Variants in EZH1 observed in about 807,000 individuals in gnomAD.
EZH1 encodes enhancer of zeste 1 polycomb repressive complex 2 subunit, also known as histone-lysine N-methyltransferase EZH1.
Under a neutral mutation model 100.5 loss-of-function variants are expected in EZH1, and 33 were observed. That is an observed-to-expected ratio of 0.33 (90% confidence interval 0.25 to 0.44). The LOEUF (loss-of-function observed/expected upper bound fraction) is 0.44. Ranked by LOEUF, EZH1 falls within the 20% of genes least tolerant of loss-of-function variation. EZH1 has a pLI of 1.00. For synonymous variants in EZH1, 272 were observed against 313.8 expected (o/e 0.87, Z 1.41); for missense variants, 475 against 928.4 (o/e 0.51, Z 6.35).
chr17:42,705,365 G>C (rs2053331361), intron 16 of EZH1, among the ~76,000 whole-genome samples, 182 bp from the exon 17 acceptor site: 1 of 152,170 alleles, frequency 6.6e-6, no homozygotes, highest in Non-Finnish European at 1.5e-5. Flanking sequence ...AATGGGAGGT[G>C]GTGACGAACG....
chr17:42,709,998 A>G, intron 12 of EZH1, 61 bp from the exon 13 acceptor site: 1 of 1,462,248 alleles, frequency 6.8e-7, no homozygotes, highest in East Asian at 2.3e-5. Context: ...TAAGTGGCCC[A>G]GCTGGGTGCT....
At chr17:42,721,644 G>T (rs2053707776) in intron 6 of EZH1, among the ~76,000 whole-genome samples, 1 of 150,496 alleles carries the variant, frequency 6.6e-6, no homozygotes, top group South Asian at 2.1e-4. Context: ...TTTTATTTCT[G>T]TTTCTGCTGC....
intron 1 of EZH1, among the ~76,000 whole-genome samples, chr17:42,731,532 C>T (rs1194308147): frequency 6.6e-6 from 1 of 152,056 alleles, no homozygotes; most frequent in Admixed American, 6.6e-5. Context: ...CAAGATGATG[C>T]TTTTACTCTA....
rs186763664 is a variant in EZH1, at chr17:42,712,587, G to C, written c.1205-102C>G. The C allele has an allele frequency of 6.2e-6, 7 of 1,130,590 alleles. No individual in the cohort carries two copies. The South Asian group carries it at 1.1e-4, about 17-fold the overall frequency. 70.0% of individuals were successfully genotyped at this position (1,130,590 alleles called of 1,614,324 possible). A position where few individuals can be genotyped will look rare whatever the true frequency, so the allele number is the denominator to read the frequency against. On this transcript the variant is annotated intron_variant, in intron 11 of 20. Coordinates refer to ENST00000428826, the MANE Select transcript of EZH1 (RefSeq NM_001991.5). ...GTACTTCATTCTACTTTAAAAGGTA[G>C]AACAGTTAGGAATGAAAATATTCCC...
chr17:42,702,144 T>G lies in EZH1; in HGVS notation c.*388A>C, dbSNP rs1035556599. 6 of 183,728 alleles carry G rather than the reference T, an allele frequency of 3.3e-5. No individual in the cohort carries two copies. Among genetic ancestry groups the G allele is most frequent in the African/African-American group, 1.4e-4 (6 of 42,796 alleles). 11.4% of individuals were successfully genotyped at this position (183,728 alleles called of 1,614,324 possible). On this transcript the variant is annotated 3_prime_UTR_variant, in exon 21 of 21. Coordinates refer to ENST00000428826, the MANE Select transcript of EZH1 (RefSeq NM_001991.5). The stretch of plus-strand genomic sequence containing the variant: ...GCCTGCATCCCAATAACATAAGGAC[T>G]CTTGATGTGGAAAGCTACAATTACA...
At chr17:42,714,721 T>G in intron 10 of EZH1, 1 of 214,796 alleles carries the variant, frequency 4.7e-6, no homozygotes, top group Non-Finnish European at 9.5e-6. Context: ...ATCTGGAATT[T>G]GGAATAATAT....
chr17:42,731,543 T>C (rs1404742982), intron 1 of EZH1, among the ~76,000 whole-genome samples: 2 of 152,100 alleles, frequency 1.3e-5, no homozygotes, highest in East Asian at 3.9e-4. Context: ...TTTTACTCTA[T>C]AATAACTACT....
intron 2 of EZH1, among the ~76,000 whole-genome samples, chr17:42,729,855 T>A (rs180785776): frequency 9.9e-5 from 15 of 151,942 alleles, no homozygotes; most frequent in African/African-American, 3.1e-4. Flanking sequence ...CTGGCCAAGA[T>A]GCTGAAACCC....
At position 42,720,321 on chromosome 17, in the gene EZH1, T is replaced by C. The variant is rs2053681461; in HGVS notation, c.616A>G (p.Lys206Glu). Residue 206 changes from lysine to glutamate, a missense_variant, in exon 7 of 21, where the codon AAA becomes GAA. This residue lies in a region of EZH1 where 180 missense variants were observed against 295.3 expected (regional missense o/e 0.61). Coordinates refer to ENST00000428826, the MANE Select transcript of EZH1 (RefSeq NM_001991.5). ...DTSDGKQDDS[K>E]EDLPVTRKRK... ...TTTCTTGTTACTGGCAGATCTTCTT[T>C]GCTGTCATCCTGCTTTCCATCTGAG... is the stretch of plus-strand genomic sequence containing the variant. 1.2e-6 allele frequency: 2 copies of C among 1,614,224 alleles called. No homozygotes were observed. The highest frequency in any genetic ancestry group is 1.7e-6 in the Non-Finnish European group (2 of 1,180,046).
intron 6 of EZH1, 62 bp from the exon 7 acceptor site, chr17:42,720,511 G>T: frequency 2.0e-6 from 3 of 1,502,412 alleles, no homozygotes; most frequent in Non-Finnish European, 1.8e-6. Context: ...GTCCTCCTAG[G>T]CAGGTTTTCT....
At position 42,712,053 on chromosome 17, in the gene EZH1, G is replaced by A. The variant is rs1438563177; in HGVS notation, c.1401+236C>T. ...GTAGGACCCAGAAGCATTAAATAGA[G>A]TCCAGACAGAAATGAGCATTCAGCA... On this transcript the variant is annotated intron_variant, in intron 12 of 20. Coordinates refer to ENST00000428826, the MANE Select transcript of EZH1 (RefSeq NM_001991.5). Among the ~76,000 whole-genome samples the A allele has an allele frequency of 2.6e-5, 4 of 152,034 alleles. No homozygotes were observed. The East Asian group carries it at 7.8e-4, about 29-fold the overall frequency.
intron 2 of EZH1, among the ~76,000 whole-genome samples, chr17:42,729,423 CA>C (rs1194033841): frequency 6.6e-6 from 1 of 151,558 alleles, no homozygotes; most frequent in Non-Finnish European, 1.5e-5. Context: ...CAAAACAAAA[CA>C]AAAAAACAAA....
intron 13 of EZH1, 141 bp downstream of exon 13, chr17:42,709,705 C>T (rs2053438058): frequency 1.4e-6 from 1 of 695,112 alleles, no homozygotes; most frequent in Admixed American, 2.6e-5. Context: ...GGCTGGCTCT[C>T]AGTCATGTGA....
chr17:42,739,643 C>T (rs2143892690), intron 1 of EZH1, among the ~76,000 whole-genome samples: 1 of 152,078 alleles, frequency 6.6e-6, no homozygotes, highest in East Asian at 1.9e-4. Flanking sequence ...AGGAGAATCG[C>T]TTGAACCCAG....
At chr17:42,734,923 G>A (rs928173365) in intron 1 of EZH1, among the ~76,000 whole-genome samples, 2 of 151,428 alleles carry the variant, frequency 1.3e-5, no homozygotes, top group South Asian at 2.1e-4. Context: ...AACCTGGGAG[G>A]CAGAGGTTGC....
chr17:42,718,782 C>G lies in EZH1; in HGVS notation c.768-165G>C, dbSNP rs1284718809. ...TGGTAGATAACTAGAGTGGGTCCAC[C>G]ATTGTAATTATGCTGGGTTGGGCAA... On this transcript the variant is annotated intron_variant, in intron 8 of 20. Transcript: ENST00000428826. The surrounding 1 kb of genome is among the most constrained non-coding windows in gnomAD (Gnocchi z 4.2). Among the ~76,000 whole-genome samples, 1 of 151,944 alleles carries G rather than the reference C, an allele frequency of 6.6e-6. No individual in the cohort carries two copies. The highest frequency in any genetic ancestry group is 6.6e-5 in the Admixed American group (1 of 15,224).
chr17:42,701,512 AAGC>A lies in EZH1; in HGVS notation c.*1017_*1019del. ...CAAACAGCAGGCACTACAGACAGGAAAGCAGATTACACCAATCTTTCTCCTCTC... is the reference window on the plus strand; with the variant it reads ...CAAACAGCAGGCACTACAGACAGGAAAGATTACACCAATCTTTCTCCTCTC... On this transcript the variant is annotated 3_prime_UTR_variant, in exon 21 of 21. Coordinates refer to ENST00000428826, the MANE Select transcript of EZH1 (RefSeq NM_001991.5). The A allele has an allele frequency of 6.5e-6, 1 of 152,988 alleles. No homozygotes were observed. The highest frequency in any genetic ancestry group is 1.9e-4 in the East Asian group (1 of 5,316). 9.5% of individuals were successfully genotyped at this position (152,988 alleles called of 1,614,324 possible). A position where few individuals can be genotyped will look rare whatever the true frequency, so the allele number is the denominator to read the frequency against.
At chr17:42,727,849 T>C in intron 3 of EZH1, 86 bp from the exon 4 acceptor site, 4 of 1,016,280 alleles carry the variant, frequency 3.9e-6, no homozygotes, top group Non-Finnish European at 3.8e-6. Context: ...AGTCTTGCTC[T>C]GTTGTCACCC....
chr17:42,717,939 A>G, intron 10 of EZH1, 37 bp downstream of exon 10: 5 of 1,592,230 alleles, frequency 3.1e-6, no homozygotes, highest in Non-Finnish European at 4.3e-6. Context: ...TGTTCCCAGA[A>G]TGAAGTTAAT....
Sources: allele counts gnomAD v4.1 joint callset (sites outside exome capture counted in the v4.1 genomes callset), GRCh38; gene constraint gnomAD v4.1.1; regional missense constraint gnomAD v4.1.1; non-coding constraint Gnocchi (gnomAD v3.1); transcripts MANE v1.5; gene names NCBI Gene and HGNC (gene_info 2026-07-23, HGNC 2026-07-21).